Variants in TNNT3 observed in about 807,000 individuals in gnomAD.
TNNT3 encodes the protein troponin T3, fast skeletal type.
TNNT3 carries 36 observed loss-of-function variants against 54.2 expected under a neutral mutation model. That is an observed-to-expected ratio of 0.66 (90% CI 0.51 to 0.88). TNNT3 has a LOEUF of 0.88. Among genes scored for constraint, TNNT3 ranks in the 40% least tolerant of loss-of-function variants. The pLI, the probability that TNNT3 is intolerant of heterozygous loss-of-function variation, is 0.00. For synonymous variants in TNNT3, 120 were observed against 109.7 expected, an observed-to-expected ratio of 1.09 and a Z score of -0.59; for missense variants, 291 against 331.6, an observed-to-expected ratio of 0.88 and a Z score of 0.95.
intron 7 of TNNT3, among the ~76,000 whole-genome samples, 155 bp from the exon 8 acceptor site, chr11:1,929,655 G>A (rs1852737348): frequency 6.6e-6 from 1 of 152,204 alleles, no homozygotes; most frequent in Non-Finnish European, 1.5e-5. Context: ...GGACCCTCTT[G>A]TTTCTGGGGG....
rs776049768 is a variant in TNNT3, at chr11:1,925,090, G to A, written c.50-9G>A. Reference sequence around the variant, plus strand: ...GCCTTCTCCTGCTCCTGGCTTCTCCGGCTCTCAGAGGAAGCCCAGGAGGAA... The same window carrying A: ...GCCTTCTCCTGCTCCTGGCTTCTCCAGCTCTCAGAGGAAGCCCAGGAGGAA... On this transcript the variant is annotated splice_polypyrimidine_tract_variant and intron_variant, in intron 4 of 15. Coordinates refer to ENST00000278317, the MANE Select transcript of TNNT3 (RefSeq NM_006757.4). 8.1e-6 allele frequency: 13 copies of A among 1,612,376 alleles called. No homozygotes were observed. The highest frequency in any genetic ancestry group is 3.3e-5 in the Admixed American group (2 of 59,966).
intron 4 of TNNT3, among the ~76,000 whole-genome samples, chr11:1,923,967 T>C (rs1284335951): frequency 1.4e-5 from 2 of 146,662 alleles, no homozygotes; most frequent in Non-Finnish European, 2.9e-5. Context: ...CCTCTCTCTC[T>C]ATCTCTACCC....
In TNNT3 at chr11:1,934,659, AG is replaced by A; in HGVS notation, c.590+8del. On this transcript the variant is annotated splice_donor_5th_base_variant and intron_variant, in intron 13 of 15. Coordinates refer to ENST00000278317, the MANE Select transcript of TNNT3 (RefSeq NM_006757.4). ...ACCTTGGTGAAGACAAACTGAGGTG[AG>A]GGGTGGGTGTTGTGGGGCTCAGCCC... 3.1e-6 allele frequency: 5 copies of A among 1,600,914 alleles called. No individual in the cohort carries two copies. The highest frequency in any genetic ancestry group is 4.3e-6 in the Non-Finnish European group (5 of 1,171,260).
At chr11:1,930,243 G>T (rs1276585976) in intron 8 of TNNT3, among the ~76,000 whole-genome samples, 2 of 152,132 alleles carry the variant, frequency 1.3e-5, no homozygotes, top group African/African-American at 2.4e-5. Context: ...GCTGGTGCAG[G>T]GAGTCTGGCC....
chr11:1,925,031 A>C, intron 4 of TNNT3, 68 bp from the exon 5 acceptor site: 1 of 1,585,188 alleles, frequency 6.3e-7, no homozygotes, highest in Non-Finnish European at 8.6e-7. Context: ...GTACACTCTG[A>C]TCACTGTCTC....
At chr11:1,928,272 C>A (rs1336703221) in intron 6 of TNNT3, among the ~76,000 whole-genome samples, 1 of 152,182 alleles carries the variant, frequency 6.6e-6, no homozygotes, top group Non-Finnish European at 1.5e-5. Context: ...AGCGGCAGAC[C>A]CCCCTCCTGG....
Position 1,929,835 on chromosome 11 carries a change from G to A in TNNT3, c.125+7G>A, listed in dbSNP as rs1014387704. 8 of 1,511,048 alleles carry A rather than the reference G, an allele frequency of 5.3e-6. No homozygotes were observed. The Middle Eastern group carries it at 1.1e-3, about 199-fold the overall frequency. The allele number at this position is 1,511,048 out of a possible 1,614,324, so 93.6% of individuals were successfully genotyped here. Reference sequence around the variant, plus strand: ...AGGAGAAACCGAGACCCAAGTGAGTGTGGGGTCCTGGCAGGCCCGCTGCTG... The same window carrying A: ...AGGAGAAACCGAGACCCAAGTGAGTATGGGGTCCTGGCAGGCCCGCTGCTG... On this transcript the variant is annotated splice_region_variant and intron_variant, in intron 8 of 15. Transcript: ENST00000278317.
chr11:1,930,127 G>T (rs1187796971), intron 8 of TNNT3, among the ~76,000 whole-genome samples: 4 of 152,158 alleles, frequency 2.6e-5, no homozygotes, highest in African/African-American at 9.7e-5. Flanking sequence ...ATTTTGCCCA[G>T]GGTCATCCAG....
At chr11:1,931,746 AC>A (rs1853439261) in intron 8 of TNNT3, among the ~76,000 whole-genome samples, 1 of 117,380 alleles carries the variant, frequency 8.5e-6, no homozygotes. Flanking sequence ...TCACATACAT[AC>A]GTTTTTCATT....
intron 6 of TNNT3, among the ~76,000 whole-genome samples, chr11:1,927,495 C>T (rs1589927027): frequency 1.3e-5 from 2 of 152,092 alleles, no homozygotes; most frequent in Admixed American, 1.3e-4. Context: ...TTGCGTGACT[C>T]GAGCCTCGGA....
intron 5 of TNNT3, among the ~76,000 whole-genome samples, chr11:1,926,238 TCA>T (rs2133307719): frequency 6.6e-6 from 1 of 152,318 alleles, no homozygotes; most frequent in South Asian, 2.1e-4. Context: ...CCTCTGAGCC[TCA>T]GTTTCCCCAC....
chr11:1,926,301 G>A (rs1851556081), intron 5 of TNNT3, among the ~76,000 whole-genome samples: 1 of 152,226 alleles, frequency 6.6e-6, no homozygotes, highest in South Asian at 2.1e-4. Flanking sequence ...TGGGACTGGG[G>A]CGGTGGCCGC....
intron 1 of TNNT3, chr11:1,922,635 G>C (rs943421766): frequency 1.7e-6 from 1 of 603,236 alleles, no homozygotes; most frequent in Non-Finnish European, 3.0e-6. Context: ...GCAGGAAGAG[G>C]GGACAGAGTC....
At chr11:1,923,026 T>C in intron 2 of TNNT3, 22 bp from the exon 3 acceptor site, 1 of 1,613,748 alleles carries the variant, frequency 6.2e-7, no homozygotes, top group East Asian at 2.2e-5. Flanking sequence ...TCTTTCTTTC[T>C]CTCTCTCTCC....
At position 1,923,045 on chromosome 11, in the gene TNNT3, C is replaced by G; in HGVS notation, c.18-3C>G. 1 of 1,614,086 alleles carries G rather than the reference C, an allele frequency of 6.2e-7. No homozygotes were observed. The highest frequency in any genetic ancestry group is 8.5e-7 in the Non-Finnish European group (1 of 1,180,026). On this transcript the variant is annotated splice_polypyrimidine_tract_variant and splice_region_variant and intron_variant, in intron 2 of 15. Transcript: ENST00000278317. ...TCTTTCTCTCTCTCTCCCTGCCCCA[C>G]AGTGAACAGGTGGAGGGTAAGTGTA...
intron 9 of TNNT3, among the ~76,000 whole-genome samples, chr11:1,932,856 C>CCATCCATA (rs1346316109): frequency 6.7e-6 from 1 of 150,272 alleles, no homozygotes; most frequent in Non-Finnish European, 1.5e-5. Context: ...ATCCATCCAT[C>CCATCCATA]CATCCATCCA....
upstream of TNNT3, chr11:1,919,658 G>A (rs1303025493): frequency 1.3e-5 from 2 of 152,234 alleles, no homozygotes; most frequent in African/African-American, 4.8e-5. Flanking sequence ...TGGGCTCCTA[G>A]GAAGATCAAA....
At chr11:1,925,778 G>A (rs1270797047) in intron 5 of TNNT3, among the ~76,000 whole-genome samples, 1 of 152,170 alleles carries the variant, frequency 6.6e-6, no homozygotes, top group African/African-American at 2.4e-5. Flanking sequence ...AGCCCCCCAG[G>A]CCCCCTCACA....
chr11:1,929,917 C>A, intron 8 of TNNT3, 89 bp downstream of exon 8: 1 of 1,501,678 alleles, frequency 6.7e-7, no homozygotes, highest in Non-Finnish European at 9.0e-7. Flanking sequence ...AGGCCCAGTG[C>A]CGAGTGTGTT....
Sources: gnomAD v4.1 joint callset for allele counts (sites outside exome capture counted in the v4.1 genomes callset) on GRCh38, gnomAD v4.1.1 for gene constraint, MANE v1.5 for transcripts, NCBI Gene and HGNC (gene_info 2026-07-23, HGNC 2026-07-21) for gene names.